Variants in TMPRSS15 observed in about 807,000 individuals in gnomAD.
TMPRSS15 encodes enteropeptidase.
Under a neutral mutation model 125.3 loss-of-function variants are expected in TMPRSS15, and 128 were observed. The ratio of observed to expected loss-of-function variants is 1.02; its 90% CI spans 0.89 to 1.18. The LOEUF (loss-of-function observed/expected upper bound fraction) is 1.18. TMPRSS15 is among the 50% of genes most tolerant of loss of function. TMPRSS15 has a pLI of 0.00. For synonymous variants in TMPRSS15, 446 were observed against 423.2 expected, an observed-to-expected ratio of 1.05 and a Z score of -0.66; for missense variants, 1,283 against 1,212.7, an observed-to-expected ratio of 1.06 and a Z score of -0.86.
At chr21:18,338,348 A>C (rs905598083) in intron 13 of TMPRSS15, among the ~76,000 whole-genome samples, 1 of 152,186 alleles carries the variant, frequency 6.6e-6, no homozygotes, top group African/African-American at 2.4e-5. Flanking sequence ...AATTATCAAG[A>C]AAATCTATCA....
Position 18,480,445 on chromosome 21 carries a change from T to C in TMPRSS15, c.10+5354A>G, listed in dbSNP as rs1315898621. The stretch of plus-strand genomic sequence containing the variant: ...GCCATGGTTTAGTGAGATTATGTCA[T>C]GTTAACTGTATATGCACCAATATTT... On this transcript the variant is annotated intron_variant, in intron 1 of 7. Transcript: ENST00000422787. Among the ~76,000 whole-genome samples, 6 of 151,946 alleles carry C rather than the reference T, an allele frequency of 3.9e-5. No homozygotes were observed. In the East Asian group the frequency reaches 1.2e-3, roughly 29 times the overall value.
intron 22 of TMPRSS15, among the ~76,000 whole-genome samples, chr21:18,279,766 T>C (rs1392516063): frequency 6.6e-6 from 1 of 152,178 alleles, no homozygotes; most frequent in East Asian, 1.9e-4. Context: ...AGGATGATTT[T>C]CAGCATCAAT....
At chr21:18,415,056 G>T (rs1011748126) in intron 1 of TMPRSS15, among the ~76,000 whole-genome samples, 2 of 151,952 alleles carry the variant, frequency 1.3e-5, no homozygotes, top group African/African-American at 4.8e-5. Flanking sequence ...CACCCTAAAG[G>T]TGTGAGGTAA....
chr21:18,300,175 G>A (rs2074951359), intron 18 of TMPRSS15, among the ~76,000 whole-genome samples: 2 of 151,370 alleles, frequency 1.3e-5, no homozygotes, highest in Admixed American at 6.6e-5. Context: ...AGCCCGAAGG[G>A]ATACATTCCT....
chr21:18,425,549 A>G (rs1212581955), intron 1 of TMPRSS15, among the ~76,000 whole-genome samples: 3 of 152,274 alleles, frequency 2.0e-5, no homozygotes, highest in Middle Eastern at 3.4e-3. Flanking sequence ...TCACTTTCTT[A>G]TGAGTTGTGT....
At chr21:18,389,209 GAAAAA>G (rs201303423) in intron 3 of TMPRSS15, among the ~76,000 whole-genome samples, 2 of 148,220 alleles carry the variant, frequency 1.3e-5, no homozygotes, top group South Asian at 4.3e-4. Flanking sequence ...AGAAAGAAAA[GAAAAA>G]AAGAAAGGAG....
chr21:18,413,880 AC>A (rs1343902619), intron 1 of TMPRSS15, among the ~76,000 whole-genome samples: 2 of 152,094 alleles, frequency 1.3e-5, no homozygotes, highest in Non-Finnish European at 2.9e-5. Context: ...GGCGCATGCC[AC>A]CAGTCCTGGC....
chr21:18,390,697 C>T lies in TMPRSS15; in HGVS notation c.345-6919G>A, dbSNP rs140010325. On this transcript the variant is annotated intron_variant, in intron 3 of 24. Transcript: ENST00000284885. ...TGTCAGTTAAGTGTCCCAGGGAAGG[C>T]GACATGGACTGGTTCTTAATGGGTT... Among the ~76,000 whole-genome samples the T allele has an allele frequency of 5.9e-3, 894 of 151,994 alleles. 7 individuals are homozygous for T. Among genetic ancestry groups the T allele is most frequent in the Admixed American group, 0.014 (209 of 15,268 alleles).
At chr21:18,318,723 C>T (rs565256840) in intron 16 of TMPRSS15, among the ~76,000 whole-genome samples, 33 of 151,678 alleles carry the variant, frequency 2.2e-4, no homozygotes, top group Non-Finnish European at 3.5e-4. Context: ...TATTCAGAGC[C>T]GAAAAAGGAG....
upstream of TMPRSS15, among the ~76,000 whole-genome samples, chr21:18,406,880 T>G (rs528268808): frequency 6.6e-6 from 1 of 152,250 alleles, no homozygotes; most frequent in East Asian, 1.9e-4. Flanking sequence ...TAGGGAAAAC[T>G]TAAGTGTTCA....
chr21:18,320,594 C>T (rs1162284638), intron 16 of TMPRSS15, among the ~76,000 whole-genome samples: 1 of 152,094 alleles, frequency 6.6e-6, no homozygotes, highest in African/African-American at 2.4e-5. Flanking sequence ...CTAGCTGAAG[C>T]TGTTAGGGTT....
intron 18 of TMPRSS15, among the ~76,000 whole-genome samples, chr21:18,311,704 A>G (rs575278008): frequency 6.6e-6 from 1 of 152,158 alleles, no homozygotes; most frequent in Non-Finnish European, 1.5e-5. Context: ...TAAAAATAGA[A>G]CTACCATATA....
intron 7 of TMPRSS15, 53 bp downstream of exon 7, chr21:18,365,087 A>G (rs1436221011): frequency 2.1e-6 from 3 of 1,444,254 alleles, no homozygotes; most frequent in African/African-American, 2.8e-5. Flanking sequence ...AAGACGTTGC[A>G]TCAGAAAAAC....
intron 21 of TMPRSS15, among the ~76,000 whole-genome samples, chr21:18,287,682 C>T (rs532062613): frequency 1.1e-4 from 17 of 152,036 alleles, no homozygotes; most frequent in African/African-American, 2.4e-4. Flanking sequence ...ATGGATTGCA[C>T]GATATAGGTC....
At chr21:18,372,098 ATGTGTGTGTGTGTGTGTGTGTGTG>A in intron 6 of TMPRSS15, 71 bp downstream of exon 6, 1 of 537,612 alleles carries the variant, frequency 1.9e-6, no homozygotes, top group Non-Finnish European at 3.0e-6. Context: ...TGAGATTAGA[ATGTGTGTGTGTGTGTGTGTGTGTG>A]TGTGTGTGTG....
At chr21:18,277,709 C>T (rs1358966083) in intron 23 of TMPRSS15, among the ~76,000 whole-genome samples, 1 of 152,156 alleles carries the variant, frequency 6.6e-6, no homozygotes. Context: ...TTCTGAGACC[C>T]TCTACCTTTC....
intron 13 of TMPRSS15, among the ~76,000 whole-genome samples, chr21:18,333,748 G>A (rs1386155994): frequency 6.6e-6 from 1 of 152,128 alleles, no homozygotes. Flanking sequence ...CAACAGAGCA[G>A]AGGTCTTCCA....
intron 13 of TMPRSS15, 112 bp downstream of exon 13, chr21:18,341,301 C>T (rs1034895676): frequency 9.6e-6 from 13 of 1,353,654 alleles, no homozygotes; most frequent in African/African-American, 1.4e-5. Flanking sequence ...AAACTCCTGG[C>T]TTCAAGCAAT....
At chr21:18,331,072 C>CAAAAAAAA (rs34006357) in intron 14 of TMPRSS15, among the ~76,000 whole-genome samples, 1 of 89,758 alleles carries the variant, frequency 1.1e-5, no homozygotes, top group African/African-American at 4.3e-5. Flanking sequence ...GACTCCATCT[C>CAAAAAAAA]AAAAAAAAAA....
Sources: allele counts gnomAD v4.1 joint callset (sites outside exome capture counted in the v4.1 genomes callset), GRCh38; gene constraint gnomAD v4.1.1; transcripts MANE v1.5; gene names NCBI Gene and HGNC (gene_info 2026-07-23, HGNC 2026-07-21).